TECPR2: variants seen among roughly 807,000 people sequenced by gnomAD.
TECPR2 encodes tectonin beta-propeller repeat containing 2.
A neutral mutation model predicts 138.1 loss-of-function variants in TECPR2; 65 were observed. The observed-to-expected ratio is 0.47, with a 90% confidence interval of 0.39 to 0.58. TECPR2 has a LOEUF of 0.58. TECPR2 is among the 20% of genes least tolerant of loss of function. TECPR2 has a pLI of 0.00. For missense variants in TECPR2, 1,553 were observed against 1,824.5 expected (o/e 0.85, Z 2.71); for synonymous variants, 746 against 749.8 (o/e 0.99, Z 0.08).
chr14:102,445,988 C>A, intron 13 of TECPR2, 41 bp downstream of exon 13: 4 of 1,571,164 alleles, frequency 2.5e-6, no homozygotes, highest in Non-Finnish European at 3.5e-6. Context: ...GGTCTCCCGA[C>A]CTTTTCTGCT....
At chr14:102,435,262 G>C in intron 9 of TECPR2, 51 bp downstream of exon 9, 1 of 1,530,712 alleles carries the variant, frequency 6.5e-7, no homozygotes. Context: ...TTTCTTAAGG[G>C]TAATAATTGT....
intron 1 of TECPR2, among the ~76,000 whole-genome samples, chr14:102,372,555 C>T (rs1887533005): frequency 6.6e-6 from 1 of 152,180 alleles, no homozygotes; most frequent in African/African-American, 2.4e-5. Context: ...GTGTGAGACA[C>T]CGCGCCCAGC....
intron 1 of TECPR2, among the ~76,000 whole-genome samples, chr14:102,363,444 G>A (rs1344476015): frequency 6.6e-6 from 1 of 152,186 alleles, no homozygotes; most frequent in East Asian, 1.9e-4. Context: ...CCGGCTGCCG[G>A]TCTGGCCGCG....
intron 16 of TECPR2, 150 bp downstream of exon 16, chr14:102,452,777 T>A (rs572000193): frequency 1.5e-6 from 1 of 653,236 alleles, no homozygotes; most frequent in African/African-American, 1.8e-5. Context: ...AGGAGCTCAG[T>A]TGGCCACTCT....
chr14:102,391,098 G>A (rs1888158250), intron 2 of TECPR2, among the ~76,000 whole-genome samples: 1 of 152,110 alleles, frequency 6.6e-6, no homozygotes, highest in Non-Finnish European at 1.5e-5. Context: ...TCACCCTGTT[G>A]CCCAGGCTGG....
In TECPR2 at chr14:102,499,210, G is replaced by A. The variant is rs1001568022; in HGVS notation, c.*953G>A. ...GGTGCATGGGGCGTGGGGGAGCTGA[G>A]CAAGGGTCGCTCACTTAGAAATGTC... On this transcript the variant is annotated 3_prime_UTR_variant, in exon 20 of 20. Coordinates refer to ENST00000359520, the MANE Select transcript of TECPR2 (RefSeq NM_014844.5). 8.6e-6 allele frequency: 6 copies of A among 696,492 alleles called. No homozygotes were observed. Among genetic ancestry groups the A allele is most frequent in the Middle Eastern group, 2.3e-4 (1 of 4,350 alleles). The allele number at this position is 696,492 out of a possible 1,614,324, so 43.1% of individuals were successfully genotyped here.
chr14:102,466,480 T>C (rs1349115726), intron 17 of TECPR2, among the ~76,000 whole-genome samples: 2 of 152,194 alleles, frequency 1.3e-5, no homozygotes, highest in Non-Finnish European at 2.9e-5. Context: ...GAGAGGAGCC[T>C]TCCTCACTGC....
chr14:102,452,272 T>C (rs1164030733), intron 15 of TECPR2, 122 bp from the exon 16 acceptor site: 2 of 909,970 alleles, frequency 2.2e-6, no homozygotes, highest in East Asian at 2.7e-5. Flanking sequence ...GGCAGGTGAG[T>C]GAGCTGGCAT....
intron 1 of TECPR2, among the ~76,000 whole-genome samples, chr14:102,374,567 G>A (rs1057417371): frequency 1.3e-4 from 20 of 151,946 alleles, no homozygotes; most frequent in African/African-American, 4.6e-4. Flanking sequence ...TTGGAGACCA[G>A]CCTAGGCAAC....
intron 16 of TECPR2, among the ~76,000 whole-genome samples, chr14:102,454,528 C>T (rs749470220): frequency 1.2e-4 from 19 of 152,292 alleles, no homozygotes; most frequent in Middle Eastern, 3.4e-3. Context: ...TGAGAACACC[C>T]GCCTCTCCAC....
chr14:102,437,842 G>T (rs1190545), intron 9 of TECPR2, among the ~76,000 whole-genome samples, 180 bp from the exon 10 acceptor site: 2 of 151,930 alleles, frequency 1.3e-5, no homozygotes, highest in Non-Finnish European at 2.9e-5. Context: ...CGTCTCAGAA[G>T]GTTTGTAGTA....
chr14:102,414,669 C>T lies in TECPR2; in HGVS notation c.514C>T (p.Pro172Ser), dbSNP rs1172789107. Residue 172 changes from proline to serine, a missense_variant, in exon 5 of 20, where the codon CCA becomes TCA. Transcript: ENST00000359520. Reference protein sequence around the residue: ...LCNSQLVLEEPSSIVQLDYSQ... With the variant: ...LCNSQLVLEESSSIVQLDYSQ... ...TAACTCCCAGCTGGTGTTGGAGGAG[C>T]CATCTTCCATTGTGCAGCTGGATTA... is the stretch of plus-strand genomic sequence containing the variant. 1.2e-6 allele frequency: 2 copies of T among 1,614,176 alleles called. No homozygotes were observed. The highest frequency in any genetic ancestry group is 8.5e-7 in the Non-Finnish European group (1 of 1,180,034).
In TECPR2 at chr14:102,425,399, C is replaced by CT. The variant is rs1361329004; in HGVS notation, c.951+110dup. The CT allele has an allele frequency of 8.1e-6, 9 of 1,115,060 alleles. No homozygotes were observed. In the African/African-American group the frequency reaches 1.4e-4, roughly 18 times the overall value. The allele number at this position is 1,115,060 out of a possible 1,614,324, so 69.1% of individuals were successfully genotyped here. ...AGAATGCTACCAGGAGCAGTATTGACTTACACTTTACTTTTTCCTTTGGGC... is the reference window on the plus strand; with the variant it reads ...AGAATGCTACCAGGAGCAGTATTGACTTTACACTTTACTTTTTCCTTTGGGC... On this transcript the variant is annotated intron_variant, in intron 6 of 19. Coordinates refer to ENST00000359520, the MANE Select transcript of TECPR2 (RefSeq NM_014844.5).
intron 16 of TECPR2, among the ~76,000 whole-genome samples, chr14:102,459,036 C>T (rs534597859): frequency 5.9e-4 from 89 of 150,726 alleles, no homozygotes; most frequent in African/African-American, 2.1e-3. Flanking sequence ...AGTTTACACA[C>T]GGAGTGTGTA....
At chr14:102,405,468 A>G (rs1005327305) in intron 2 of TECPR2, among the ~76,000 whole-genome samples, 8 of 152,216 alleles carry the variant, frequency 5.3e-5, no homozygotes, top group African/African-American at 1.7e-4. Flanking sequence ...TGTCAAAACT[A>G]TACCCCACAC....
intron 1 of TECPR2, among the ~76,000 whole-genome samples, chr14:102,373,270 A>C (rs535089576): frequency 5.9e-5 from 9 of 152,302 alleles, no homozygotes; most frequent in Non-Finnish European, 1.2e-4. Flanking sequence ...ACGGTTTTCA[A>C]CTTACAGAGT....
intron 9 of TECPR2, chr14:102,436,988 C>T (rs1230184062): frequency 1.0e-6 from 1 of 985,246 alleles, no homozygotes; most frequent in Non-Finnish European, 1.2e-6. Flanking sequence ...GCCCTTTGAG[C>T]CCCTGACTCT....
At chr14:102,436,163 C>T (rs1034450504) in intron 9 of TECPR2, among the ~76,000 whole-genome samples, 1 of 152,220 alleles carries the variant, frequency 6.6e-6, no homozygotes, top group Non-Finnish European at 1.5e-5. Context: ...CACAGAACAG[C>T]TAGACAGCTT....
intron 4 of TECPR2, among the ~76,000 whole-genome samples, chr14:102,413,401 A>G (rs1209845631): frequency 6.6e-6 from 1 of 150,922 alleles, no homozygotes; most frequent in African/African-American, 2.4e-5. Flanking sequence ...ATTTTTTGAG[A>G]CAGAGTCTCA....
Sources: allele counts gnomAD v4.1 joint callset (sites outside exome capture counted in the v4.1 genomes callset), GRCh38; gene constraint gnomAD v4.1.1; transcripts MANE v1.5; gene names NCBI Gene and HGNC (gene_info 2026-07-23, HGNC 2026-07-21).